Variants in SMC2 observed in about 807,000 individuals in gnomAD.
The protein encoded by SMC2 is structural maintenance of chromosomes protein 2.
Under a neutral mutation model 142.6 loss-of-function variants are expected in SMC2, and 41 were observed. The ratio of observed to expected loss-of-function variants is 0.29; its 90% CI spans 0.22 to 0.37. SMC2 has a LOEUF of 0.37. SMC2 is among the 10% of genes least tolerant of loss of function. The probability of loss-of-function intolerance (pLI) is 1.00; values close to 1 mark genes in which losing one functional copy is unlikely to be tolerated. For synonymous variants in SMC2, 463 were observed against 457.5 expected, an observed-to-expected ratio of 1.01 and a Z score of -0.15; for missense variants, 1,265 against 1,373.7, an observed-to-expected ratio of 0.92 and a Z score of 1.25.
At chr9:104,117,689 A>C (rs1233427378) in intron 14 of SMC2, among the ~76,000 whole-genome samples, 37 of 152,346 alleles carry the variant, frequency 2.4e-4, no homozygotes, top group Non-Finnish European at 5.9e-5. Flanking sequence ...CCAACAACTG[A>C]AATTTTCCAA....
At chr9:104,122,899 G>A (rs1385155206) in intron 16 of SMC2, among the ~76,000 whole-genome samples, 1 of 152,052 alleles carries the variant, frequency 6.6e-6, no homozygotes, top group African/African-American at 2.4e-5. Flanking sequence ...GTCATTTAGA[G>A]TTGTTCACCT....
At chr9:104,091,376 G>A (rs974964590), upstream of SMC2, among the ~76,000 whole-genome samples, 2 of 143,738 alleles carry the variant, frequency 1.4e-5, no homozygotes, top group Non-Finnish European at 3.0e-5. Flanking sequence ...GCACTACGAT[G>A]TTACAACATC....
rs147225978 is a variant in SMC2, at chr9:104,135,854, T to C, written c.3269+1279T>C. The C allele has an allele frequency of 1.3e-3, 688 of 518,722 alleles. 3 individuals carry two copies. The highest frequency in any genetic ancestry group is 0.012 in the African/African-American group (625 of 52,056). The allele number at this position is 518,722 out of a possible 1,614,324, so 32.1% of individuals were successfully genotyped here. ...AATATTCTTCAAATTGAAGGCAATATGAATACTTTTCAGACAAAAACAGCA... is the reference window on the plus strand; with the variant it reads ...AATATTCTTCAAATTGAAGGCAATACGAATACTTTTCAGACAAAAACAGCA... On this transcript the variant is annotated intron_variant, in intron 23 of 24. Transcript: ENST00000374793.
chr9:104,131,983 A>T, intron 21 of SMC2, 26 bp from the exon 22 acceptor site: 1 of 1,126,280 alleles, frequency 8.9e-7, no homozygotes, highest in Non-Finnish European at 1.3e-6. Context: ...ATATTTTCCC[A>T]GTTAACCATG....
At chr9:104,135,879 A>T (rs1564121091) in intron 23 of SMC2, 1 of 518,874 alleles carries the variant, frequency 1.9e-6, no homozygotes, top group South Asian at 1.4e-5. Context: ...CAAAAACAGC[A>T]GAACCATACT....
intron 21 of SMC2, among the ~76,000 whole-genome samples, chr9:104,130,405 C>G (rs1834825711): frequency 2.0e-5 from 3 of 152,174 alleles, no homozygotes; most frequent in South Asian, 4.2e-4. Flanking sequence ...GGGAAGCATT[C>G]CCTACTCTTA....
At chr9:104,119,612 C>A (rs78675569) in intron 15 of SMC2, among the ~76,000 whole-genome samples, 8,604 of 152,194 alleles carry the variant, frequency 0.057, 641 homozygotes, top group African/African-American at 0.18. Flanking sequence ...AAGGAGTAGT[C>A]GTCTCTGTCT....
chr9:104,113,618 C>T (rs1832742151), intron 11 of SMC2, 143 bp downstream of exon 11: 2 of 614,472 alleles, frequency 3.3e-6, no homozygotes. Flanking sequence ...TTGTAAATAT[C>T]GTCAAAAAAT....
chr9:104,126,287 T>A (rs1834268743), intron 18 of SMC2, among the ~76,000 whole-genome samples: 1 of 152,156 alleles, frequency 6.6e-6, no homozygotes, highest in South Asian at 2.1e-4. Flanking sequence ...AAGAAGAATA[T>A]TGAGAAACTT....
At position 104,126,776 on chromosome 9, in the gene SMC2, A is replaced by G; in HGVS notation, c.2587A>G (p.Lys863Glu). ...QIEVMAAEVA[K>E]NKESVNKAQE... is the part of the protein sequence containing the mutation. Reference sequence around the variant, plus strand: ...TGAAGTAATGGCAGCTGAGGTGGCTAAAAATAAGGTAGGATTTATTTATCA... The same window carrying G: ...TGAAGTAATGGCAGCTGAGGTGGCTGAAAATAAGGTAGGATTTATTTATCA... Residue 863 changes from lysine to glutamate, a missense_variant, in exon 19 of 25, where the codon AAA (lysine) becomes GAA (glutamate). By Grantham distance (56) the Lys-to-Glu change is moderately conservative. Transcript: ENST00000374793. 1 of 1,594,326 alleles carries G rather than the reference A, an allele frequency of 6.3e-7. No homozygotes were observed. The highest frequency in any genetic ancestry group is 8.5e-7 in the Non-Finnish European group (1 of 1,174,680).
intron 8 of SMC2, 95 bp from the exon 9 acceptor site, chr9:104,102,329 C>T (rs1158687054): frequency 8.1e-7 from 1 of 1,231,270 alleles, no homozygotes; most frequent in African/African-American, 1.5e-5. Context: ...AATGAAATAA[C>T]TTATAAAAAA....
intron 11 of SMC2, 57 bp from the exon 12 acceptor site, chr9:104,113,907 A>G: frequency 1.8e-6 from 2 of 1,083,148 alleles, no homozygotes; most frequent in Non-Finnish European, 1.3e-6. Flanking sequence ...ATTTTCCTTA[A>G]AACAGTAGAG....
At chr9:104,138,436 TATAA>T (rs1272372173) in intron 24 of SMC2, among the ~76,000 whole-genome samples, 2 of 152,158 alleles carry the variant, frequency 1.3e-5, no homozygotes, top group African/African-American at 4.8e-5. Flanking sequence ...TTAGGGTTAA[TATAA>T]TTGTTTTCTC....
chr9:104,102,308 TATAGTA>T lies in SMC2; in HGVS notation c.871-114_871-109del, dbSNP rs1358644226. 10 of 1,109,310 alleles carry T rather than the reference TATAGTA, an allele frequency of 9.0e-6. No individual in the cohort carries two copies. In the East Asian group the frequency reaches 2.5e-4, roughly 28 times the overall value. 68.7% of individuals were successfully genotyped at this position (1,109,310 alleles called of 1,614,324 possible). Reference sequence around the variant, plus strand: ...GTCTTCCGTATTGATTTGTTAATCTTATAGTAAGATAATGAAATAACTTATAAAAAA... The same window carrying T: ...GTCTTCCGTATTGATTTGTTAATCTTAGATAATGAAATAACTTATAAAAAA... On this transcript the variant is annotated intron_variant, in intron 8 of 24. Coordinates refer to ENST00000374793, the MANE Select transcript of SMC2 (RefSeq NM_006444.3).
At chr9:104,117,469 G>A (rs1026254814) in intron 14 of SMC2, among the ~76,000 whole-genome samples, 2 of 152,172 alleles carry the variant, frequency 1.3e-5, no homozygotes, top group Admixed American at 1.3e-4. Context: ...CTGAGAAGAA[G>A]CATTGTGATC....
chr9:104,125,250 T>G, intron 18 of SMC2, 145 bp downstream of exon 18: 1 of 637,726 alleles, frequency 1.6e-6, no homozygotes, highest in Non-Finnish European at 2.7e-6. Context: ...AAATTATGCT[T>G]CTTACAAGTC....
chr9:104,117,424 A>AAAT (rs1833244996), intron 14 of SMC2, among the ~76,000 whole-genome samples: 1 of 152,198 alleles, frequency 6.6e-6, no homozygotes, highest in Non-Finnish European at 1.5e-5. Context: ...AGTTTTTCTT[A>AAAT]AATGATGGGC....
chr9:104,100,297 C>T lies in SMC2; in HGVS notation c.592-92C>T, dbSNP rs533445493. ...GAGGGAAAAATTTTTTTCCTTGGTT[C>T]AGTTTTCCATAGTCATCCCTGCTAC... On this transcript the variant is annotated intron_variant, in intron 6 of 24. Transcript: ENST00000374793. 1.5e-5 allele frequency: 21 copies of T among 1,385,922 alleles called. No individual in the cohort carries two copies. The African/African-American group carries it at 2.2e-4, about 15-fold the overall frequency. 85.9% of individuals were successfully genotyped at this position (1,385,922 alleles called of 1,614,324 possible).
intron 10 of SMC2, among the ~76,000 whole-genome samples, chr9:104,112,682 T>C (rs989903275): frequency 3.3e-5 from 5 of 152,160 alleles, no homozygotes; most frequent in Admixed American, 2.6e-4. Flanking sequence ...TACATCATTA[T>C]ACAGTTTTGG....
Sources: allele counts gnomAD v4.1 joint callset (sites outside exome capture counted in the v4.1 genomes callset), GRCh38; gene constraint gnomAD v4.1.1; transcripts MANE v1.5; gene names NCBI Gene and HGNC (gene_info 2026-07-23, HGNC 2026-07-21).